PCDH9: variants seen among roughly 807,000 people sequenced by gnomAD.
The protein encoded by PCDH9 is protocadherin-9.
A neutral mutation model predicts 70.6 loss-of-function variants in PCDH9; 24 were observed. The observed-to-expected ratio is 0.34, with a 90% confidence interval of 0.25 to 0.48. PCDH9 has a LOEUF of 0.48. PCDH9 is among the 20% of genes least tolerant of loss of function. The pLI, the probability that PCDH9 is intolerant of heterozygous loss-of-function variation, is 0.99. For missense variants in PCDH9, 1,281 were observed against 1,503.6 expected (o/e 0.85, Z 2.45); for synonymous variants, 562 against 558.5 (o/e 1.01, Z -0.09).
At chr13:66,652,353 G>T (rs2077864678) in intron 3 of PCDH9, among the ~76,000 whole-genome samples, 1 of 151,892 alleles carries the variant, frequency 6.6e-6, no homozygotes, top group African/African-American at 2.4e-5. Context: ...ATCTGAAAAA[G>T]AAATCAAGAA....
intron 2 of PCDH9, among the ~76,000 whole-genome samples, chr13:67,041,995 T>A (rs562474114): frequency 1.3e-5 from 2 of 152,260 alleles, no homozygotes; most frequent in African/African-American, 4.8e-5. Context: ...AAAACATTTG[T>A]ACAATTCTCC....
At chr13:66,448,328 G>A (rs984021347) in intron 4 of PCDH9, among the ~76,000 whole-genome samples, 4 of 152,228 alleles carry the variant, frequency 2.6e-5, no homozygotes, top group African/African-American at 4.8e-5. Context: ...GTGGACGTGT[G>A]AAGTGCACGT....
chr13:66,451,699 G>A lies in PCDH9; in HGVS notation c.3341-146671C>T, dbSNP rs890563228. Among the ~76,000 whole-genome samples, 4 of 152,184 alleles carry A rather than the reference G, an allele frequency of 2.6e-5. No homozygotes were observed. In the East Asian group the frequency reaches 7.7e-4, roughly 29 times the overall value. The stretch of plus-strand genomic sequence containing the variant: ...GTCACAAAGCTACCAAATGAAACAC[G>A]CAGGACTAAAAATCAAGTGTTTTGC... On this transcript the variant is annotated intron_variant, in intron 4 of 4. Coordinates refer to ENST00000377865, the MANE Select transcript of PCDH9 (RefSeq NM_203487.3).
intron 3 of PCDH9, among the ~76,000 whole-genome samples, chr13:66,743,504 A>C (rs2139207120): frequency 6.6e-6 from 1 of 152,188 alleles, no homozygotes; most frequent in East Asian, 1.9e-4. Flanking sequence ...TAAAAAAAAA[A>C]AAATTTGGAA....
At chr13:67,117,305 C>T (rs901710751) in intron 2 of PCDH9, among the ~76,000 whole-genome samples, 4 of 152,156 alleles carry the variant, frequency 2.6e-5, no homozygotes, top group African/African-American at 9.6e-5. Context: ...TCTCTTGCAT[C>T]TTTTCCTACT....
intron 3 of PCDH9, among the ~76,000 whole-genome samples, chr13:66,634,643 T>G (rs924068139): frequency 6.6e-6 from 1 of 152,138 alleles, no homozygotes; most frequent in African/African-American, 2.4e-5. Flanking sequence ...TGACACATAG[T>G]AGATAGTGTT....
intron 3 of PCDH9, among the ~76,000 whole-genome samples, chr13:66,845,628 C>T (rs2081194408): frequency 6.6e-6 from 1 of 152,148 alleles, no homozygotes; most frequent in Admixed American, 6.5e-5. Flanking sequence ...GGGCAGCAGC[C>T]GCTGCACCTA....
chr13:66,597,792 C>T (rs2077121333), intron 4 of PCDH9, among the ~76,000 whole-genome samples: 1 of 151,650 alleles, frequency 6.6e-6, no homozygotes, highest in African/African-American at 2.4e-5. Context: ...AGACAGAAGC[C>T]AACCTATGGA....
At chr13:66,807,150 T>C (rs1428294366) in intron 3 of PCDH9, among the ~76,000 whole-genome samples, 2 of 152,164 alleles carry the variant, frequency 1.3e-5, no homozygotes, top group African/African-American at 2.4e-5. Flanking sequence ...ACTCCTATAA[T>C]GAGAAATACC....
intron 2 of PCDH9, among the ~76,000 whole-genome samples, chr13:67,010,391 C>A (rs1355203673): frequency 6.6e-6 from 1 of 151,952 alleles, no homozygotes; most frequent in African/African-American, 2.4e-5. Flanking sequence ...GTGGGGAAAT[C>A]CTTTCAATCA....
At chr13:66,559,817 A>AT (rs1555306268) in intron 4 of PCDH9, among the ~76,000 whole-genome samples, 4,854 of 93,012 alleles carry the variant, frequency 0.052, 252 homozygotes, top group South Asian at 0.083. Flanking sequence ...AAAAAAAAAA[A>AT]ATATATATAT....
At chr13:66,963,851 T>C (rs2083389286) in intron 2 of PCDH9, among the ~76,000 whole-genome samples, 1 of 152,176 alleles carries the variant, frequency 6.6e-6, no homozygotes, top group African/African-American at 2.4e-5. Context: ...ACCTTGTGAA[T>C]AGTAACAATT....
chr13:66,443,279 T>A (rs1958007833), intron 4 of PCDH9, among the ~76,000 whole-genome samples: 1 of 152,182 alleles, frequency 6.6e-6, no homozygotes, highest in African/African-American at 2.4e-5. Flanking sequence ...TTAGTTAGTA[T>A]TGATGATGGG....
chr13:66,496,426 A>G (rs1409659615), intron 4 of PCDH9, among the ~76,000 whole-genome samples: 2 of 152,146 alleles, frequency 1.3e-5, no homozygotes, highest in African/African-American at 4.8e-5. Flanking sequence ...TGTTTCTTGC[A>G]CTACCACATT....
At chr13:67,102,073 C>T (rs1418411102) in intron 2 of PCDH9, among the ~76,000 whole-genome samples, 1 of 152,046 alleles carries the variant, frequency 6.6e-6, no homozygotes, top group East Asian at 1.9e-4. Context: ...GATCCCTTTT[C>T]AAAAGTCCTA....
At position 66,304,575 on chromosome 13, in the gene PCDH9, A is replaced by G. The variant is rs1301131860; in HGVS notation, c.*80T>C. ...TGCTAGAAGGGGCATAGTTGTAGAG[A>G]TCTATTGAATACATAAAGCTCTGAC... On this transcript the variant is annotated 3_prime_UTR_variant, in exon 5 of 5. Transcript: ENST00000377865. The G allele has an allele frequency of 6.4e-6, 7 of 1,085,310 alleles. No individual in the cohort carries two copies. Among genetic ancestry groups the G allele is most frequent in the South Asian group, 5.7e-5 (4 of 70,230 alleles). The allele number at this position is 1,085,310 out of a possible 1,614,324, so 67.2% of individuals were successfully genotyped here.
chr13:66,771,383 C>T (rs2079804405), intron 3 of PCDH9, among the ~76,000 whole-genome samples: 1 of 152,122 alleles, frequency 6.6e-6, no homozygotes, highest in South Asian at 2.1e-4. Flanking sequence ...AATCTTAGAT[C>T]GTTGTCATTT....
At chr13:67,113,087 T>C (rs2086689113) in intron 2 of PCDH9, among the ~76,000 whole-genome samples, 1 of 152,214 alleles carries the variant, frequency 6.6e-6, no homozygotes, top group Non-Finnish European at 1.5e-5. Flanking sequence ...GTTAAAATCA[T>C]ATCACTGACC....
At chr13:67,154,575 CAA>C (rs753995213) in intron 2 of PCDH9, among the ~76,000 whole-genome samples, 8,987 of 34,420 alleles carry the variant, frequency 0.26, 892 homozygotes, top group East Asian at 0.48. Context: ...GACCCTGTCT[CAA>C]AAAAAAAAAA....
Sources: allele counts gnomAD v4.1 joint callset (sites outside exome capture counted in the v4.1 genomes callset), GRCh38; gene constraint gnomAD v4.1.1; transcripts MANE v1.5; gene names NCBI Gene and HGNC (gene_info 2026-07-23, HGNC 2026-07-21).